CACNG4: variants seen among roughly 807,000 people sequenced by gnomAD.
CACNG4 encodes the protein voltage-dependent calcium channel gamma-4 subunit.
CACNG4 carries 8 observed loss-of-function variants against 22.9 expected under a neutral mutation model. The ratio of observed to expected loss-of-function variants is 0.35; its 90% CI spans 0.21 to 0.63. The LOEUF (loss-of-function observed/expected upper bound fraction) is 0.63. CACNG4 is among the 30% of genes least tolerant of loss of function. The pLI, the probability that CACNG4 is intolerant of heterozygous loss-of-function variation, is 0.72. For synonymous variants in CACNG4, 188 were observed against 191.9 expected (o/e 0.98, Z 0.17); for missense variants, 357 against 455.4 (o/e 0.78, Z 1.97).
chr17:66,970,771 T>C (rs955299809), intron 1 of CACNG4, among the ~76,000 whole-genome samples: 7 of 152,208 alleles, frequency 4.6e-5, no homozygotes, highest in South Asian at 2.1e-4. Flanking sequence ...CATATGTATT[T>C]TGGGGGCACA....
At position 67,023,624 on chromosome 17, in the gene CACNG4, T is replaced by A. The variant is rs539910819; in HGVS notation, c.305-1236T>A. 1.8e-4 allele frequency among the ~76,000 whole-genome samples: 25 copies of A among 142,654 alleles called. No homozygotes were observed. In the South Asian group the frequency reaches 4.7e-3, roughly 27 times the overall value. The allele number at this position is 142,654 out of a possible 152,430, so 93.6% of individuals were successfully genotyped here. ...GTCACTCTTGTCGCCCAGGCTGGAG[T>A]GCAATGGCGCAATCTCAGCTCACTG... On this transcript the variant is annotated intron_variant, in intron 2 of 3. Coordinates refer to ENST00000262138, the MANE Select transcript of CACNG4 (RefSeq NM_014405.4).
At chr17:66,999,487 G>T (rs544333207) in intron 1 of CACNG4, among the ~76,000 whole-genome samples, 1 of 152,320 alleles carries the variant, frequency 6.6e-6, no homozygotes, top group Admixed American at 6.5e-5. Context: ...AGTTCCACAT[G>T]GCTGAGGAGG....
chr17:67,018,283 G>C lies in CACNG4; in HGVS notation c.304+11G>C, dbSNP rs2035512490. On this transcript the variant is annotated intron_variant, in intron 2 of 3. Coordinates refer to ENST00000262138, the MANE Select transcript of CACNG4 (RefSeq NM_014405.4). ...CGGAGTACCTCCTCCGTGAGTGTCA[G>C]GAGGCCTGGACTCTCTTTCTGTGGG... 3 of 1,608,864 alleles carry C rather than the reference G, an allele frequency of 1.9e-6. No individual in the cohort carries two copies. Among genetic ancestry groups the C allele is most frequent in the Non-Finnish European group, 1.7e-6 (2 of 1,175,304 alleles).
intron 1 of CACNG4, among the ~76,000 whole-genome samples, chr17:66,990,470 G>T (rs755035496): frequency 1.3e-5 from 2 of 152,108 alleles, no homozygotes; most frequent in African/African-American, 4.8e-5. Context: ...ACACAGCAGC[G>T]GGTGGGTATC....
chr17:67,026,535 GTGTA>G (rs2035568034), intron 3 of CACNG4, among the ~76,000 whole-genome samples: 1 of 117,438 alleles, frequency 8.5e-6, no homozygotes. Flanking sequence ...ACTGTGGGGT[GTGTA>G]TGTATTTGAG....
intron 1 of CACNG4, among the ~76,000 whole-genome samples, chr17:67,006,686 T>A (rs2035439942): frequency 6.6e-6 from 1 of 152,092 alleles, no homozygotes; most frequent in Non-Finnish European, 1.5e-5. Context: ...CTAGTTACTG[T>A]GTTCGCTCAC....
intron 1 of CACNG4, among the ~76,000 whole-genome samples, chr17:67,005,093 A>T (rs1405783959): frequency 6.6e-6 from 1 of 152,210 alleles, no homozygotes; most frequent in Non-Finnish European, 1.5e-5. Flanking sequence ...AACAGCCAAG[A>T]TGAAGGAAGG....
chr17:66,975,484 T>G (rs1414897860), intron 1 of CACNG4, among the ~76,000 whole-genome samples: 1 of 152,208 alleles, frequency 6.6e-6, no homozygotes, highest in Non-Finnish European at 1.5e-5. Flanking sequence ...CATTGTTAAG[T>G]TAGGAGCATC....
chr17:67,030,364 G>C lies in CACNG4; in HGVS notation c.446-102G>C. On this transcript the variant is annotated intron_variant, in intron 3 of 3. Transcript: ENST00000262138. This position sits in a 1 kb window ranked among gnomAD's most constrained non-coding sequence, Gnocchi z 6.4. Reference sequence around the variant, plus strand: ...GAATAAAGAAATACTCATCAGAGAGGGGAGTGTCCACCTGTTCCCTACACT... The same window carrying C: ...GAATAAAGAAATACTCATCAGAGAGCGGAGTGTCCACCTGTTCCCTACACT... 1 of 909,098 alleles carries C rather than the reference G, an allele frequency of 1.1e-6. No individual in the cohort carries two copies. Among genetic ancestry groups the C allele is most frequent in the Middle Eastern group, 2.7e-4 (1 of 3,656 alleles). The allele number at this position is 909,098 out of a possible 1,614,324, so 56.3% of individuals were successfully genotyped here. A position where few individuals can be genotyped will look rare whatever the true frequency, so the allele number is the denominator to read the frequency against.
At chr17:66,972,946 A>G (rs2035213706) in intron 1 of CACNG4, among the ~76,000 whole-genome samples, 1 of 149,462 alleles carries the variant, frequency 6.7e-6, no homozygotes, top group Non-Finnish European at 1.5e-5. Flanking sequence ...ACAAAAACAA[A>G]CAAACAAAAA....
chr17:67,000,260 C>T (rs998764624), intron 1 of CACNG4, among the ~76,000 whole-genome samples: 3 of 152,158 alleles, frequency 2.0e-5, no homozygotes, highest in Middle Eastern at 3.2e-3. Flanking sequence ...GCCTGCTTAA[C>T]TCACGATGAC....
intron 1 of CACNG4, among the ~76,000 whole-genome samples, chr17:67,016,249 TTAA>T (rs533946790): frequency 3.0e-3 from 448 of 151,700 alleles, no homozygotes; most frequent in Non-Finnish European, 5.3e-3. Flanking sequence ...GACCGAGGAG[TTAA>T]TAACTACGTT....
chr17:67,006,513 G>A (rs1156746069), intron 1 of CACNG4, among the ~76,000 whole-genome samples: 1 of 152,094 alleles, frequency 6.6e-6, no homozygotes, highest in African/African-American at 2.4e-5. Context: ...ACATGCCTCT[G>A]GGCTTCGTCT....
intron 1 of CACNG4, among the ~76,000 whole-genome samples, chr17:67,011,167 C>CA (rs2035465647): frequency 6.6e-6 from 1 of 152,236 alleles, no homozygotes; most frequent in South Asian, 2.1e-4. Flanking sequence ...ATGTGGTCTT[C>CA]ACCCTCACCG....
At chr17:66,967,592 T>G (rs1255437284) in intron 1 of CACNG4, among the ~76,000 whole-genome samples, 3 of 152,182 alleles carry the variant, frequency 2.0e-5, no homozygotes, top group Non-Finnish European at 2.9e-5. Flanking sequence ...GTTACCTCCG[T>G]GTTGGCTTTC....
chr17:67,025,052 T>G (rs2035555838), intron 3 of CACNG4, 52 bp downstream of exon 3: 1 of 1,499,720 alleles, frequency 6.7e-7, no homozygotes, highest in African/African-American at 1.4e-5. Context: ...GACACAGGAG[T>G]GCCTGTCTCG....
At chr17:67,013,546 C>T (rs1424217503) in intron 1 of CACNG4, among the ~76,000 whole-genome samples, 3 of 151,998 alleles carry the variant, frequency 2.0e-5, no homozygotes, top group Admixed American at 6.6e-5. Context: ...GGCTCACACC[C>T]GTAAACCCAG....
intron 1 of CACNG4, among the ~76,000 whole-genome samples, chr17:67,011,624 GGAATGAAT>G (rs67913831): frequency 6.1e-5 from 9 of 147,202 alleles, no homozygotes; most frequent in East Asian, 2.0e-4. Context: ...ATGCTCTTGA[GGAATGAAT>G]GAATGAATGA....
Position 66,990,742 on chromosome 17 carries a change from G to A in CACNG4, c.220+25611G>A, listed in dbSNP as rs1417059534. ...ATCGCCCAGGCTGGAGTGCAGTGGT[G>A]TGATCTCAGTTCACTGCAAGCTCCG... On this transcript the variant is annotated intron_variant, in intron 1 of 3. Coordinates refer to ENST00000262138, the MANE Select transcript of CACNG4 (RefSeq NM_014405.4). 2.6e-5 allele frequency among the ~76,000 whole-genome samples: 4 copies of A among 151,940 alleles called. No homozygotes were observed. In the South Asian group the frequency reaches 6.2e-4, roughly 24 times the overall value.
Sources: gnomAD v4.1 joint callset for allele counts (sites outside exome capture counted in the v4.1 genomes callset) on GRCh38, gnomAD v4.1.1 for gene constraint, Gnocchi (gnomAD v3.1) non-coding constraint, MANE v1.5 for transcripts, NCBI Gene and HGNC (gene_info 2026-07-23, HGNC 2026-07-21) for gene names.